The following CCDC30 variants were observed in gnomAD, a reference collection of about 807,000 sequenced individuals.
CCDC30 encodes coiled-coil domain containing 30, also known as coiled-coil domain-containing protein 30.
A neutral mutation model predicts 100.2 loss-of-function variants in CCDC30; 70 were observed. The observed-to-expected ratio is 0.70, with a 90% CI of 0.58 to 0.85. The LOEUF is 0.85. Ranked by LOEUF, CCDC30 falls within the 40% of genes least tolerant of loss-of-function variation. The pLI is 0.00. For missense variants in CCDC30, 652 were observed against 771.2 expected (o/e 0.85, Z 1.83); for synonymous variants, 233 against 269.5 (o/e 0.86, Z 1.33).
chr1:42,577,633 TTTTA>T (rs371655363), intron 8 of CCDC30, among the ~76,000 whole-genome samples: 2 of 152,046 alleles, frequency 1.3e-5, no homozygotes, highest in South Asian at 2.1e-4. Flanking sequence ...TGATGTTTAT[TTTTA>T]TTTATTTATT....
chr1:42,470,581 G>A (rs1194450120), intron 1 of CCDC30, among the ~76,000 whole-genome samples: 2 of 152,200 alleles, frequency 1.3e-5, no homozygotes, highest in African/African-American at 4.8e-5. Flanking sequence ...ACAGGTGAAT[G>A]TATAAATAAA....
intron 11 of CCDC30, among the ~76,000 whole-genome samples, chr1:42,627,879 G>C (rs1294807853): frequency 6.6e-6 from 1 of 152,236 alleles, no homozygotes. Flanking sequence ...AGGGCAGTGT[G>C]GAAGGGAAAC....
At chr1:42,615,791 T>A (rs1014154993) in intron 11 of CCDC30, among the ~76,000 whole-genome samples, 6 of 152,216 alleles carry the variant, frequency 3.9e-5, no homozygotes, top group Non-Finnish European at 5.9e-5. Flanking sequence ...GTACTTCCTG[T>A]CAACCTTGTT....
exon 15 of CCDC30, chr1:42,646,295 A>G (rs1460386566): frequency 1.3e-6 from 2 of 1,542,926 alleles, no homozygotes; most frequent in Admixed American, 4.0e-5. Context: ...GCCACAGAGA[A>G]GTGGAAACAC....
chr1:42,527,777 G>C (rs112526677), intron 6 of CCDC30, among the ~76,000 whole-genome samples: 2,972 of 151,892 alleles, frequency 0.02, 115 homozygotes, highest in African/African-American at 0.067. Context: ...TCCTTCCTGT[G>C]GTGTCTGGGA....
chr1:42,460,241 C>A, upstream of CCDC30: 1 of 1,042,696 alleles, frequency 9.6e-7, no homozygotes, highest in Non-Finnish European at 1.2e-6. Context: ...ATTATGGATG[C>A]ATGAATGGTC....
chr1:42,456,723 C>T, the CCDC30 span: 1 of 1,609,410 alleles, frequency 6.2e-7, no homozygotes, highest in Admixed American at 1.7e-5. Context: ...GAAGCGCGGC[C>T]GGTGCGCTTC....
chr1:42,493,363 G>A (rs935842412), intron 4 of CCDC30, among the ~76,000 whole-genome samples: 3 of 152,190 alleles, frequency 2.0e-5, no homozygotes, highest in African/African-American at 4.8e-5. Context: ...GCTGAAGCAG[G>A]TGGATCACGA....
upstream of CCDC30, chr1:42,459,922 A>C (rs1320898244): frequency 6.2e-7 from 1 of 1,602,996 alleles, no homozygotes; most frequent in Admixed American, 1.7e-5. Context: ...GGTGACAGAA[A>C]CTGAAGTAAA....
the CCDC30 span, among the ~76,000 whole-genome samples, chr1:42,457,955 C>CAAAA: frequency 2.0e-5 from 2 of 101,112 alleles, no homozygotes; most frequent in South Asian, 2.9e-4. Flanking sequence ...TACTCCGTCG[C>CAAAA]AAAAAAAAAA....
chr1:42,533,380 G>A lies in CCDC30; in HGVS notation c.457-32916G>A, dbSNP rs150275635. ...GGGTATTGAGAATTAAAGAATAAAG[G>A]ATTAATTAGGTTGGTTGAAGAGAAA... On this transcript the variant is annotated intron_variant, in intron 6 of 16. Coordinates refer to ENST00000668663, the Ensembl canonical transcript of CCDC30. Among the ~76,000 whole-genome samples, 985 of 152,226 alleles carry A rather than the reference G, an allele frequency of 6.5e-3. 15 individuals are homozygous for A. Among genetic ancestry groups the A allele is most frequent in the African/African-American group, 0.023 (948 of 41,520 alleles).
intron 6 of CCDC30, among the ~76,000 whole-genome samples, chr1:42,510,565 G>A (rs781211314): frequency 4.0e-4 from 61 of 151,974 alleles, no homozygotes; most frequent in Non-Finnish European, 3.1e-4. Flanking sequence ...GCTGAGGCAG[G>A]AGAATCACTT....
At chr1:42,656,289 T>C (rs940137121), downstream of CCDC30, among the ~76,000 whole-genome samples, 10 of 152,204 alleles carry the variant, frequency 6.6e-5, no homozygotes, top group Admixed American at 2.0e-4. Flanking sequence ...AGTCAAAGGA[T>C]ATAAATGTTA....
At chr1:42,520,893 T>C (rs12042941) in intron 6 of CCDC30, among the ~76,000 whole-genome samples, 36,493 of 149,630 alleles carry the variant, frequency 0.24, 4,799 homozygotes, top group South Asian at 0.43. Flanking sequence ...GTGATCCACC[T>C]GCCTCAGCCT....
intron 7 of CCDC30, among the ~76,000 whole-genome samples, chr1:42,568,508 T>A (rs1186927613): frequency 6.6e-6 from 1 of 152,176 alleles, no homozygotes; most frequent in Admixed American, 6.5e-5. Context: ...GCTAACAAAT[T>A]ATAGAGTCAG....
At chr1:42,553,796 A>G (rs1282757676) in intron 6 of CCDC30, among the ~76,000 whole-genome samples, 1 of 152,202 alleles carries the variant, frequency 6.6e-6, no homozygotes, top group African/African-American at 2.4e-5. Context: ...TTGTTGTTTT[A>G]TAAAAATTTT....
At chr1:42,550,828 T>G (rs951325780) in intron 6 of CCDC30, among the ~76,000 whole-genome samples, 1 of 152,240 alleles carries the variant, frequency 6.6e-6, no homozygotes, top group African/African-American at 2.4e-5. Flanking sequence ...GAGTAGTGCT[T>G]GTCATATAGT....
At chr1:42,654,316 T>A (rs1308188698), downstream of CCDC30, 3 of 295,084 alleles carry the variant, frequency 1.0e-5, no homozygotes, top group African/African-American at 6.6e-5. Flanking sequence ...TTCTTTCCCA[T>A]TATCATGGGT....
At chr1:42,478,953 C>T (rs1643915010) in intron 1 of CCDC30, among the ~76,000 whole-genome samples, 2 of 152,060 alleles carry the variant, frequency 1.3e-5, no homozygotes, top group South Asian at 2.1e-4. Flanking sequence ...TAGAAACTGA[C>T]AAACTGATTC....
Sources: gnomAD v4.1 joint callset for allele counts (sites outside exome capture counted in the v4.1 genomes callset) on GRCh38, gnomAD v4.1.1 for gene constraint, MANE v1.5 for transcripts, NCBI Gene and HGNC (gene_info 2026-07-23, HGNC 2026-07-21) for gene names.